The following LRRC7 variants were observed in gnomAD, a reference collection of about 807,000 sequenced individuals.
The protein encoded by LRRC7 is leucine rich repeat containing 7, also known as leucine-rich repeat-containing protein 7.
LRRC7 carries 23 observed loss-of-function variants against 175.7 expected under a neutral mutation model. The observed-to-expected ratio is 0.13, with a 90% CI of 0.09 to 0.19. LRRC7 has a LOEUF of 0.19. Among genes scored for constraint, LRRC7 ranks in the 10% least tolerant of loss-of-function variants. The pLI is 1.00. For synonymous variants in LRRC7, 685 were observed against 680.9 expected (o/e 1.01, Z -0.09); for missense variants, 1,354 against 1,904.7 (o/e 0.71, Z 5.38).
chr1:70,089,947 A>G (rs1320955404), intron 25 of LRRC7, 128 bp downstream of exon 25: 4 of 603,282 alleles, frequency 6.6e-6, no homozygotes, highest in East Asian at 3.4e-5. Flanking sequence ...TCTGAAGCCA[A>G]TTAGAAACTT....
intron 22 of LRRC7, among the ~76,000 whole-genome samples, chr1:70,049,921 G>C (rs1279527480): frequency 1.3e-5 from 2 of 151,990 alleles, no homozygotes; most frequent in Non-Finnish European, 2.9e-5. Flanking sequence ...TAGCAAAAGA[G>C]ATCCTTGTAT....
chr1:69,634,098 CT>C (rs1415798211), intron 1 of LRRC7, among the ~76,000 whole-genome samples: 2 of 152,124 alleles, frequency 1.3e-5, no homozygotes, highest in East Asian at 3.9e-4. Context: ...TTTGAAAGTA[CT>C]TACAATCTGT....
chr1:69,694,093 A>G (rs1371722978), intron 2 of LRRC7, among the ~76,000 whole-genome samples: 1 of 152,126 alleles, frequency 6.6e-6, no homozygotes, highest in South Asian at 2.1e-4. Flanking sequence ...GTCACCATCA[A>G]ACCCAAGCCT....
At position 70,143,226 on chromosome 1, in the gene LRRC7, A is replaced by G. The variant is rs1415474293; in HGVS notation, c.*21339A>G. On this transcript the variant is annotated 3_prime_UTR_variant, in exon 27 of 27. Transcript: ENST00000651989. ...TTTTTTTTTTTTTTAATGATCTCTG[A>G]CTTCACTACCATATGTGCAGCACAA... 6.7e-6 allele frequency: 1 copy of G among 149,308 alleles called. No homozygotes were observed. Among genetic ancestry groups the G allele is most frequent in the East Asian group, 2.0e-4 (1 of 5,104 alleles). The allele number at this position is 149,308 out of a possible 1,614,324, so 9.2% of individuals were successfully genotyped here. A position where few individuals can be genotyped will look rare whatever the true frequency, so the allele number is the denominator to read the frequency against.
chr1:69,670,503 C>T (rs1658917329), intron 1 of LRRC7, among the ~76,000 whole-genome samples: 1 of 152,116 alleles, frequency 6.6e-6, no homozygotes, highest in South Asian at 2.1e-4. Context: ...ACTGTAACCA[C>T]TCTCTGGCTA....
At chr1:69,846,361 C>A (rs1185305195) in intron 7 of LRRC7, among the ~76,000 whole-genome samples, 2 of 152,082 alleles carry the variant, frequency 1.3e-5, no homozygotes, top group East Asian at 3.9e-4. Flanking sequence ...GTCACAAAAA[C>A]CAAGTAACAC....
intron 1 of LRRC7, among the ~76,000 whole-genome samples, chr1:69,585,369 T>C (rs1646365438): frequency 6.6e-6 from 1 of 152,126 alleles, no homozygotes; most frequent in Admixed American, 6.6e-5. Flanking sequence ...ATATACAATT[T>C]ATAGACTAAA....
rs1391934193 is a variant in LRRC7, at chr1:70,134,407, A to G, written c.*12520A>G. Among the ~76,000 whole-genome samples the G allele has an allele frequency of 6.6e-6, 1 of 152,124 alleles. No individual in the cohort carries two copies. The highest frequency in any genetic ancestry group is 1.5e-5 in the Non-Finnish European group (1 of 68,018). ...CCAAATGTTTTTGTTTACTTCCTCT[A>G]AGCTAATTATATCCTCACCCTCACA... On this transcript the variant is annotated 3_prime_UTR_variant, in exon 27 of 27. Coordinates refer to ENST00000651989, the MANE Select transcript of LRRC7 (RefSeq NM_001370785.2).
At chr1:69,859,292 A>G (rs984839279) in intron 7 of LRRC7, among the ~76,000 whole-genome samples, 1 of 152,140 alleles carries the variant, frequency 6.6e-6, no homozygotes, top group South Asian at 2.1e-4. Context: ...TAGAATGAAG[A>G]CTAATTTTAA....
At chr1:69,670,875 T>G (rs928919878) in intron 1 of LRRC7, among the ~76,000 whole-genome samples, 1 of 152,144 alleles carries the variant, frequency 6.6e-6, no homozygotes, top group African/African-American at 2.4e-5. Context: ...TTGTGGTGAA[T>G]GCTGCCTGGC....
rs189735669 is a variant in LRRC7, at chr1:70,046,096, C to A, written c.4110+2002C>A. Among the ~76,000 whole-genome samples the A allele has an allele frequency of 1.4e-3, 210 of 152,196 alleles. 1 individual carries two copies. Among genetic ancestry groups the A allele is most frequent in the South Asian group, 3.9e-3 (19 of 4,826 alleles). ...GATGGAAGCTATTGCCTGAACCCCC[C>A]TGAAGTTATATCATATGAAGATGCC... On this transcript the variant is annotated intron_variant, in intron 22 of 26. Coordinates refer to ENST00000651989, the MANE Select transcript of LRRC7 (RefSeq NM_001370785.2).
chr1:70,107,683 T>C (rs993084210), intron 25 of LRRC7, 69 bp from the exon 26 acceptor site: 3 of 1,124,784 alleles, frequency 2.7e-6, no homozygotes, highest in Non-Finnish European at 4.1e-6. Context: ...TCTATGTGAA[T>C]GAAGATTTGT....
intron 1 of LRRC7, among the ~76,000 whole-genome samples, chr1:69,629,578 A>G (rs1176546579): frequency 2.6e-5 from 4 of 152,120 alleles, no homozygotes; most frequent in Non-Finnish European, 4.4e-5. Flanking sequence ...TTCTAGTCCC[A>G]GGATGACTAC....
intron 3 of LRRC7, among the ~76,000 whole-genome samples, chr1:69,762,823 T>C (rs745877114): frequency 6.6e-6 from 1 of 152,090 alleles, no homozygotes; most frequent in Admixed American, 6.6e-5. Flanking sequence ...AAAGACTTAA[T>C]ATATTTTACC....
chr1:69,765,210 C>T (rs1485303662), intron 3 of LRRC7, among the ~76,000 whole-genome samples: 2 of 152,058 alleles, frequency 1.3e-5, no homozygotes, highest in South Asian at 2.1e-4. Context: ...TTTACTGATA[C>T]GTAAGTCCAA....
Position 70,129,697 on chromosome 1 carries a change from AT to A in LRRC7, c.*7813del, listed in dbSNP as rs1179486628. Among the ~76,000 whole-genome samples the A allele has an allele frequency of 6.6e-5, 10 of 152,074 alleles. No homozygotes were observed. The highest frequency in any genetic ancestry group is 2.4e-4 in the African/African-American group (10 of 41,400). On this transcript the variant is annotated 3_prime_UTR_variant, in exon 27 of 27. Transcript: ENST00000651989. ...ATTCAGCTGGCTGCATTTCATGTTTATTTACTTCACTTTTTGGGTGGAGAAC... is the reference window on the plus strand; with the variant it reads ...ATTCAGCTGGCTGCATTTCATGTTTATTACTTCACTTTTTGGGTGGAGAAC...
intron 5 of LRRC7, among the ~76,000 whole-genome samples, chr1:69,833,344 T>C (rs1445032470): frequency 6.6e-6 from 1 of 152,054 alleles, no homozygotes; most frequent in Non-Finnish European, 1.5e-5. Context: ...AATTAAATAT[T>C]TGTAGTAAAG....
intron 24 of LRRC7, among the ~76,000 whole-genome samples, chr1:70,081,017 G>A (rs1245858440): frequency 6.6e-6 from 1 of 152,080 alleles, no homozygotes; most frequent in African/African-American, 2.4e-5. Context: ...GTTCTTAACC[G>A]CAGCTGCAGA....
chr1:69,718,408 A>G (rs951862866), intron 2 of LRRC7, among the ~76,000 whole-genome samples: 9 of 151,814 alleles, frequency 5.9e-5, no homozygotes, highest in African/African-American at 1.7e-4. Context: ...CACTAAAAGA[A>G]TAACAGTTAA....
Sources: gnomAD v4.1 joint callset for allele counts (sites outside exome capture counted in the v4.1 genomes callset) on GRCh38, gnomAD v4.1.1 for gene constraint, MANE v1.5 for transcripts, NCBI Gene and HGNC (gene_info 2026-07-23, HGNC 2026-07-21) for gene names.